PCDH9: variants seen among roughly 807,000 people sequenced by gnomAD.
PCDH9 encodes protocadherin-9.
In PCDH9, 24 loss-of-function variants were observed where a neutral mutation model predicts 70.6. That is an observed-to-expected ratio of 0.34 (90% CI 0.25 to 0.48). PCDH9 has a LOEUF of 0.48. Among genes scored for constraint, PCDH9 ranks in the 20% least tolerant of loss-of-function variants. The pLI, the probability that PCDH9 is intolerant of heterozygous loss-of-function variation, is 0.99. For synonymous variants in PCDH9, 562 were observed against 558.5 expected (o/e 1.01, Z -0.09); for missense variants, 1,281 against 1,503.6 (o/e 0.85, Z 2.45).
chr13:66,782,028 A>G (rs551405633), intron 3 of PCDH9, among the ~76,000 whole-genome samples: 1 of 152,282 alleles, frequency 6.6e-6, no homozygotes, highest in East Asian at 1.9e-4. Context: ...ATCTCAATAT[A>G]TCAAACTTCT....
At chr13:66,408,493 T>G (rs1430805880) in intron 4 of PCDH9, among the ~76,000 whole-genome samples, 1 of 152,212 alleles carries the variant, frequency 6.6e-6, no homozygotes, top group Non-Finnish European at 1.5e-5. Context: ...CATGGATACA[T>G]TTTGGCTTAT....
At chr13:66,709,497 C>A (rs1378000760) in intron 3 of PCDH9, among the ~76,000 whole-genome samples, 1 of 151,980 alleles carries the variant, frequency 6.6e-6, no homozygotes, top group Non-Finnish European at 1.5e-5. Flanking sequence ...CATTTCAAGC[C>A]CCATTACCTA....
At chr13:66,767,096 T>C (rs2079729343) in intron 3 of PCDH9, among the ~76,000 whole-genome samples, 1 of 151,988 alleles carries the variant, frequency 6.6e-6, no homozygotes, top group Non-Finnish European at 1.5e-5. Flanking sequence ...TCTAAAAATA[T>C]ATTCGCAGTA....
chr13:66,881,021 G>T (rs1001302519), intron 3 of PCDH9, among the ~76,000 whole-genome samples: 1 of 152,120 alleles, frequency 6.6e-6, no homozygotes, highest in Non-Finnish European at 1.5e-5. Flanking sequence ...AATACATTTT[G>T]AGTTTTCAAT....
chr13:66,822,017 A>G (rs1232149961), intron 3 of PCDH9, among the ~76,000 whole-genome samples: 1 of 152,064 alleles, frequency 6.6e-6, no homozygotes, highest in Non-Finnish European at 1.5e-5. Flanking sequence ...TGATGCCTCA[A>G]CCTATATCAG....
chr13:66,907,512 AC>A (rs1425916535), intron 2 of PCDH9, among the ~76,000 whole-genome samples: 2 of 152,206 alleles, frequency 1.3e-5, no homozygotes, highest in Non-Finnish European at 2.9e-5. Context: ...CCACTCCAAA[AC>A]ATCCATTGTA....
chr13:66,863,247 T>C (rs953171208), intron 3 of PCDH9, among the ~76,000 whole-genome samples: 1 of 152,206 alleles, frequency 6.6e-6, no homozygotes, highest in South Asian at 2.1e-4. Flanking sequence ...CTAATCTATC[T>C]GGACTTCAGT....
intron 2 of PCDH9, among the ~76,000 whole-genome samples, chr13:67,135,709 A>T (rs1454801663): frequency 1.3e-5 from 2 of 152,162 alleles, no homozygotes; most frequent in Admixed American, 1.3e-4. Context: ...ATTTACAAGG[A>T]GTCAATTAAA....
At chr13:66,925,353 T>C (rs1049245405) in intron 2 of PCDH9, among the ~76,000 whole-genome samples, 2 of 151,886 alleles carry the variant, frequency 1.3e-5, no homozygotes, top group African/African-American at 4.8e-5. Context: ...ATCTATAATA[T>C]ACACCTTATA....
intron 2 of PCDH9, among the ~76,000 whole-genome samples, chr13:66,934,425 C>G (rs1266253989): frequency 6.6e-6 from 1 of 150,924 alleles, no homozygotes; most frequent in Non-Finnish European, 1.5e-5. Flanking sequence ...CCTGCAATCC[C>G]AGCTACTTAG....
chr13:66,828,905 C>A (rs986004599), intron 3 of PCDH9, among the ~76,000 whole-genome samples: 3 of 151,856 alleles, frequency 2.0e-5, no homozygotes, highest in African/African-American at 7.3e-5. Context: ...ATACCTTCTG[C>A]CACACTCAGA....
At chr13:66,835,154 T>C (rs769389268) in intron 3 of PCDH9, among the ~76,000 whole-genome samples, 11 of 152,256 alleles carry the variant, frequency 7.2e-5, no homozygotes, top group Non-Finnish European at 1.5e-4. Flanking sequence ...CAGCCAGGCC[T>C]AGTTCCAATG....
At chr13:66,913,839 A>AAT (rs924627241) in intron 2 of PCDH9, among the ~76,000 whole-genome samples, 42 of 152,124 alleles carry the variant, frequency 2.8e-4, no homozygotes, top group African/African-American at 9.4e-4. Flanking sequence ...TATCTCTGAA[A>AAT]ATATGTGTTA....
intron 4 of PCDH9, among the ~76,000 whole-genome samples, chr13:66,519,159 C>A (rs983435226): frequency 2.0e-5 from 3 of 152,070 alleles, no homozygotes; most frequent in African/African-American, 7.2e-5. Context: ...ACTGGCAGTG[C>A]TTTGACATCC....
At chr13:66,360,811 C>T (rs1409315537) in intron 4 of PCDH9, among the ~76,000 whole-genome samples, 1 of 151,914 alleles carries the variant, frequency 6.6e-6, no homozygotes, top group Non-Finnish European at 1.5e-5. Flanking sequence ...TCATCAATAC[C>T]TTTCTAACAG....
chr13:66,672,349 G>T (rs185246490), intron 3 of PCDH9, among the ~76,000 whole-genome samples: 1 of 152,314 alleles, frequency 6.6e-6, no homozygotes, highest in East Asian at 1.9e-4. Flanking sequence ...TGGGTGCACA[G>T]AAATCAAAAA....
chr13:66,480,174 G>T (rs1048969813), intron 4 of PCDH9, among the ~76,000 whole-genome samples: 9 of 152,158 alleles, frequency 5.9e-5, no homozygotes, highest in African/African-American at 1.4e-4. Context: ...ACTTTGAGAG[G>T]TTCAAGATTT....
At chr13:66,721,739 C>T (rs887164177) in intron 3 of PCDH9, among the ~76,000 whole-genome samples, 3 of 152,188 alleles carry the variant, frequency 2.0e-5, no homozygotes, top group African/African-American at 7.2e-5. Flanking sequence ...CTAGGCCTCT[C>T]ATAGCCAATA....
intron 4 of PCDH9, among the ~76,000 whole-genome samples, chr13:66,581,121 G>A (rs1445026315): frequency 6.6e-6 from 1 of 152,130 alleles, no homozygotes; most frequent in East Asian, 1.9e-4. Context: ...AATGAGGAAT[G>A]CCTCACATTT....
Sources: gnomAD v4.1 joint callset for allele counts (sites outside exome capture counted in the v4.1 genomes callset) on GRCh38, gnomAD v4.1.1 for gene constraint, MANE v1.5 for transcripts, NCBI Gene and HGNC (gene_info 2026-07-23, HGNC 2026-07-21) for gene names.